Variants in SEMA4D observed in about 807,000 individuals in gnomAD.
SEMA4D encodes the protein semaphorin-4D.
Under a neutral mutation model 74.8 loss-of-function variants are expected in SEMA4D, and 22 were observed. The observed-to-expected ratio is 0.29, with a 90% confidence interval of 0.21 to 0.42. The LOEUF (loss-of-function observed/expected upper bound fraction) is 0.42, where lower values mean the gene tolerates loss of function less well. Ranked by LOEUF, SEMA4D falls within the 10% of genes least tolerant of loss-of-function variation. SEMA4D has a pLI of 1.00. For missense variants in SEMA4D, 937 were observed against 1,118.4 expected (o/e 0.84, Z 2.31); for synonymous variants, 445 against 463.7 (o/e 0.96, Z 0.52).
intron 2 of SEMA4D, among the ~76,000 whole-genome samples, chr9:89,446,472 C>T (rs998168559): frequency 6.6e-6 from 1 of 152,302 alleles, no homozygotes; most frequent in Middle Eastern, 3.4e-3. Context: ...CTGAACAGGG[C>T]CTGCTCCAAG....
intron 2 of SEMA4D, among the ~76,000 whole-genome samples, chr9:89,406,732 C>T (rs1050404669): frequency 1.3e-5 from 2 of 152,150 alleles, no homozygotes; most frequent in African/African-American, 4.8e-5. Context: ...GTCCCTTGCT[C>T]CCCCTTCTAT....
intron 3 of SEMA4D, among the ~76,000 whole-genome samples, chr9:89,403,755 G>C (rs556255880): frequency 1.3e-5 from 2 of 152,262 alleles, no homozygotes; most frequent in East Asian, 3.9e-4. Flanking sequence ...ATATTACCAA[G>C]AGTCTGCTTT....
In SEMA4D at chr9:89,363,264, A is replaced by C. The variant is rs1413514460; in HGVS notation, c.2190+166T>G. Among the ~76,000 whole-genome samples, 15 of 143,690 alleles carry C rather than the reference A, an allele frequency of 1.0e-4. No homozygotes were observed. In the Admixed American group the frequency reaches 1.1e-3, roughly 11 times the overall value. The allele number at this position is 143,690 out of a possible 152,430, so 94.3% of individuals were successfully genotyped here. On this transcript the variant is annotated intron_variant, in intron 18 of 18. Coordinates refer to the SEMA4D transcript ENST00000339861. ...TGCAGTCTCAGCAACAAGACGTGGG[A>C]TTTCCCCCCCCAGTGTTGCAGATTT...
At chr9:89,449,964 A>T (rs1388367083) in intron 2 of SEMA4D, 4 of 1,541,086 alleles carry the variant, frequency 2.6e-6, no homozygotes, top group African/African-American at 1.4e-5. Context: ...GACCCAAGTA[A>T]CAGGGAGGAA....
chr9:89,371,935 G>T, intron 16 of SEMA4D, among the ~76,000 whole-genome samples: 1 of 147,300 alleles, frequency 6.8e-6, no homozygotes, highest in South Asian at 2.2e-4. Context: ...GGTGTGTGTG[G>T]GGTGTGGTGT....
At chr9:89,371,857 A>T (rs1012971299) in intron 16 of SEMA4D, among the ~76,000 whole-genome samples, 1 of 6,708 alleles carries the variant, frequency 1.5e-4, no homozygotes, top group Admixed American at 2.4e-3. Flanking sequence ...GTGGTGTCTG[A>T]GGTGTGTGTG....
chr9:89,427,376 C>T (rs1848324800), intron 2 of SEMA4D, among the ~76,000 whole-genome samples: 1 of 152,238 alleles, frequency 6.6e-6, no homozygotes, highest in African/African-American at 2.4e-5. Flanking sequence ...GGCGGTGTGA[C>T]CCTGGTGAGA....
Position 89,382,649 on chromosome 9 carries a change from G to A in SEMA4D, c.1447-1303C>T, listed in dbSNP as rs915706349. ...GTGAGCCACGTTTGTGGGAAGGATT[G>A]AGGATGACATCCCAGATCACAGTTC... On this transcript the variant is annotated intron_variant, in intron 13 of 15. Transcript: ENST00000422704. Among the ~76,000 whole-genome samples the A allele has an allele frequency of 2.6e-5, 4 of 152,264 alleles. No individual in the cohort carries two copies. The East Asian group carries it at 7.7e-4, about 29-fold the overall frequency.
intron 2 of SEMA4D, among the ~76,000 whole-genome samples, chr9:89,443,221 C>G (rs1402775938): frequency 1.3e-5 from 2 of 152,350 alleles, no homozygotes; most frequent in African/African-American, 4.8e-5. Context: ...CACTACCCCC[C>G]TGGACAGAGG....
rs140847481 is a variant in SEMA4D, at chr9:89,483,143, G to A, written c.-310+14776C>T. ...TCTTGTGGAAGGAACTGGAACATGA[G>A]GATGGCAGATCCCTGCACAGAGAGA... is the stretch of plus-strand genomic sequence containing the variant. On this transcript the variant is annotated intron_variant, in intron 1 of 15. Coordinates refer to ENST00000422704, the MANE Select transcript of SEMA4D (RefSeq NM_001371194.2). Among the ~76,000 whole-genome samples the A allele has an allele frequency of 5.4e-3, 824 of 152,354 alleles. 7 individuals are homozygous for A. Among genetic ancestry groups the A allele is most frequent in the African/African-American group, 0.018 (735 of 41,580 alleles).
intron 2 of SEMA4D, among the ~76,000 whole-genome samples, chr9:89,423,494 CA>C (rs1847418774): frequency 6.6e-6 from 1 of 152,130 alleles, no homozygotes; most frequent in South Asian, 2.1e-4. Context: ...CCGGCCAGCT[CA>C]AACATTTTTT....
chr9:89,416,137 A>G (rs1845654559), intron 2 of SEMA4D, among the ~76,000 whole-genome samples: 1 of 152,222 alleles, frequency 6.6e-6, no homozygotes, highest in Admixed American at 6.5e-5. Context: ...GAAATTTAAA[A>G]GTCTGCTGCT....
chr9:89,402,303 C>T (rs1842378572), intron 4 of SEMA4D, among the ~76,000 whole-genome samples: 1 of 152,094 alleles, frequency 6.6e-6, no homozygotes, highest in Non-Finnish European at 1.5e-5. Context: ...CTCCTAGAAG[C>T]GGAGACTGAA....
At chr9:89,396,634 T>G in intron 6 of SEMA4D, 103 bp downstream of exon 6, 2 of 997,126 alleles carry the variant, frequency 2.0e-6, no homozygotes, top group Admixed American at 4.9e-5. Flanking sequence ...AAAATCCTAT[T>G]TTTTTTTAGG....
At chr9:89,390,359 C>CGGCTGCGG (rs144396932) in intron 9 of SEMA4D, among the ~76,000 whole-genome samples, 3 of 55,982 alleles carry the variant, frequency 5.4e-5, no homozygotes, top group African/African-American at 7.9e-5. Context: ...ATGGCAGCCA[C>CGGCTGCGG]GGCTGCGGGG....
At chr9:89,386,302 C>T in intron 13 of SEMA4D, 65 bp downstream of exon 13, 1 of 1,321,252 alleles carries the variant, frequency 7.6e-7, no homozygotes, top group Non-Finnish European at 1.1e-6. Context: ...GCCAACTCTC[C>T]TGTCACCTAG....
chr9:89,421,791 G>A (rs576409921), intron 2 of SEMA4D, among the ~76,000 whole-genome samples: 1 of 150,448 alleles, frequency 6.6e-6, no homozygotes, highest in African/African-American at 2.5e-5. Context: ...GTGTGTGACC[G>A]TGTGTGTGCG....
At chr9:89,450,550 T>C (rs947720985) in intron 2 of SEMA4D, 2 of 1,082,658 alleles carry the variant, frequency 1.8e-6, no homozygotes, top group Non-Finnish European at 2.9e-6. Context: ...AATGGCCCCA[T>C]GCAGATAACC....
At chr9:89,452,503 G>A (rs1242310101) in intron 2 of SEMA4D, among the ~76,000 whole-genome samples, 1 of 152,150 alleles carries the variant, frequency 6.6e-6, no homozygotes, top group Non-Finnish European at 1.5e-5. Flanking sequence ...CTAGGCTGGA[G>A]TGCAATGGTG....
Sources: allele counts gnomAD v4.1 joint callset (sites outside exome capture counted in the v4.1 genomes callset), GRCh38; gene constraint gnomAD v4.1.1; transcripts MANE v1.5; gene names NCBI Gene and HGNC (gene_info 2026-07-23, HGNC 2026-07-21).